The following SLC4A4 variants were observed in gnomAD, a reference collection of about 807,000 sequenced individuals.
SLC4A4 encodes the protein solute carrier family 4 member 4, also known as electrogenic sodium bicarbonate cotransporter 1.
A neutral mutation model predicts 111.5 loss-of-function variants in SLC4A4; 27 were observed. That is an observed-to-expected ratio of 0.24 (90% CI 0.18 to 0.33). The LOEUF is 0.33. SLC4A4 is among the 10% of genes least tolerant of loss of function. SLC4A4 has a pLI of 1.00. For synonymous variants in SLC4A4, 443 were observed against 463.4 expected (o/e 0.96, Z 0.57); for missense variants, 909 against 1,315.5 (o/e 0.69, Z 4.78).
intron 3 of SLC4A4, among the ~76,000 whole-genome samples, chr4:71,315,506 A>G (rs945986765): frequency 1.3e-5 from 2 of 152,162 alleles, no homozygotes; most frequent in African/African-American, 2.4e-5. Flanking sequence ...GCCATGGTAC[A>G]GGCACTGATG....
chr4:71,537,866 G>C (rs956425637), intron 18 of SLC4A4, among the ~76,000 whole-genome samples: 1 of 152,056 alleles, frequency 6.6e-6, no homozygotes, highest in Non-Finnish European at 1.5e-5. Context: ...AAGCCTCCAA[G>C]GATTGGCACG....
chr4:71,109,824 T>C (rs925701069), intron 2 of SLC4A4, among the ~76,000 whole-genome samples: 2 of 152,138 alleles, frequency 1.3e-5, no homozygotes, highest in Non-Finnish European at 2.9e-5. Context: ...ATTATAGACA[T>C]GAGCCACCAC....
intron 14 of SLC4A4, among the ~76,000 whole-genome samples, chr4:71,483,303 T>C (rs1729063086): frequency 6.6e-6 from 1 of 151,794 alleles, no homozygotes; most frequent in Admixed American, 6.6e-5. Context: ...TAGTTGTTTT[T>C]CCTGATCCTC....
intron 2 of SLC4A4, among the ~76,000 whole-genome samples, chr4:71,177,666 C>A (rs560823650): frequency 1.9e-4 from 29 of 152,250 alleles, no homozygotes; most frequent in Non-Finnish European, 2.4e-4. Flanking sequence ...CAGGAGCACC[C>A]AGATTCATAA....
intron 3 of SLC4A4, among the ~76,000 whole-genome samples, chr4:71,284,366 T>C (rs536015857): frequency 6.6e-6 from 1 of 152,350 alleles, no homozygotes; most frequent in Admixed American, 6.5e-5. Context: ...AGAGAGCCAG[T>C]TGCTTTGCAT....
At chr4:71,388,726 A>T (rs1449820187) in intron 6 of SLC4A4, among the ~76,000 whole-genome samples, 5 of 152,078 alleles carry the variant, frequency 3.3e-5, no homozygotes, top group African/African-American at 1.2e-4. Flanking sequence ...CTTTTAAAAA[A>T]TTTTTATAGA....
At chr4:71,496,761 C>T (rs1730447526) in intron 15 of SLC4A4, among the ~76,000 whole-genome samples, 2 of 152,068 alleles carry the variant, frequency 1.3e-5, no homozygotes, top group African/African-American at 2.4e-5. Context: ...GACCCCACAA[C>T]AGCCATACAT....
chr4:71,097,930 G>A (rs975332341), intron 2 of SLC4A4, among the ~76,000 whole-genome samples: 1 of 152,140 alleles, frequency 6.6e-6, no homozygotes, highest in Admixed American at 6.5e-5. Flanking sequence ...ACCTTTGTCA[G>A]ATGCATAGTT....
At chr4:71,465,939 TC>T (rs1338222847) in intron 12 of SLC4A4, among the ~76,000 whole-genome samples, 1 of 152,086 alleles carries the variant, frequency 6.6e-6, no homozygotes, top group African/African-American at 2.4e-5. Flanking sequence ...ACTTTTTTGG[TC>T]CCCTTTGTGC....
chr4:71,133,867 C>A (rs1743775325), intron 2 of SLC4A4, among the ~76,000 whole-genome samples: 1 of 152,192 alleles, frequency 6.6e-6, no homozygotes, highest in Admixed American at 6.5e-5. Context: ...GACTGAAACT[C>A]TTCTTTTCAG....
intron 3 of SLC4A4, among the ~76,000 whole-genome samples, chr4:71,317,275 T>C (rs926619550): frequency 5.9e-5 from 9 of 152,086 alleles, no homozygotes; most frequent in African/African-American, 2.2e-4. Context: ...GTCAATTTTA[T>C]ACAAAATTCT....
chr4:71,242,101 A>G (rs921204566), intron 2 of SLC4A4, among the ~76,000 whole-genome samples: 49 of 152,378 alleles, frequency 3.2e-4, no homozygotes, highest in African/African-American at 1.2e-3. Flanking sequence ...AGAATTTTCC[A>G]ACTGCAGAGA....
At chr4:71,108,045 A>C (rs1742992488) in intron 2 of SLC4A4, among the ~76,000 whole-genome samples, 1 of 152,166 alleles carries the variant, frequency 6.6e-6, no homozygotes, top group African/African-American at 2.4e-5. Flanking sequence ...ATAACACCCA[A>C]AACTCCTCCT....
At chr4:71,269,087 T>C (rs575368147) in intron 3 of SLC4A4, among the ~76,000 whole-genome samples, 94 of 152,350 alleles carry the variant, frequency 6.2e-4, no homozygotes, top group African/African-American at 2.1e-3. Flanking sequence ...TTTGGACTTC[T>C]GGTCTGACCC....
intron 6 of SLC4A4, among the ~76,000 whole-genome samples, chr4:71,368,749 A>C (rs1731571375): frequency 6.6e-6 from 1 of 152,162 alleles, no homozygotes; most frequent in African/African-American, 2.4e-5. Context: ...AATATAATTT[A>C]TGTTTTGTGT....
At chr4:71,413,661 G>A (rs1237524718) in intron 7 of SLC4A4, among the ~76,000 whole-genome samples, 7 of 152,192 alleles carry the variant, frequency 4.6e-5, no homozygotes, top group African/African-American at 1.7e-4. Flanking sequence ...TATGGTGGGA[G>A]CAGAAATGGA....
chr4:71,483,467 C>A (rs1189789605), intron 14 of SLC4A4, among the ~76,000 whole-genome samples: 2 of 151,778 alleles, frequency 1.3e-5, no homozygotes, highest in African/African-American at 2.4e-5. Flanking sequence ...GGATAATGGC[C>A]TCCAGTTCCA....
intron 3 of SLC4A4, among the ~76,000 whole-genome samples, chr4:71,258,086 C>G (rs1721585866): frequency 6.6e-6 from 1 of 152,178 alleles, no homozygotes; most frequent in Non-Finnish European, 1.5e-5. Flanking sequence ...CTGAAAACTT[C>G]CCATTGTCCT....
intron 16 of SLC4A4, among the ~76,000 whole-genome samples, chr4:71,497,945 GA>G (rs759537463): frequency 4.0e-5 from 6 of 151,366 alleles, no homozygotes; most frequent in Admixed American, 1.3e-4. Flanking sequence ...GTGCTGAAAG[GA>G]AAAAAAATGA....
Sources: gnomAD v4.1 joint callset for allele counts (sites outside exome capture counted in the v4.1 genomes callset) on GRCh38, gnomAD v4.1.1 for gene constraint, MANE v1.5 for transcripts, NCBI Gene and HGNC (gene_info 2026-07-23, HGNC 2026-07-21) for gene names.